The following UMAD1 variants were observed in gnomAD, a reference collection of about 807,000 sequenced individuals.
UMAD1 encodes the protein UBAP1-MVB12-associated (UMA) domain containing 1, also known as UBAP1-MVB12-associated (UMA)-domain containing protein 1.
In UMAD1, 8 loss-of-function variants were observed where a neutral mutation model predicts 6.1. The observed-to-expected ratio is 1.30, with a 90% confidence interval of 0.76 to 2.35. The LOEUF (loss-of-function observed/expected upper bound fraction) is 2.35. Among genes scored for constraint, UMAD1 ranks in the 30% most tolerant of loss-of-function variants. The pLI, the probability that UMAD1 is intolerant of heterozygous loss-of-function variation, is 0.00. For synonymous variants in UMAD1, 56 were observed against 31.4 expected, an observed-to-expected ratio of 1.78 and a Z score of -2.61; for missense variants, 130 against 78.4, an observed-to-expected ratio of 1.66 and a Z score of -2.49.
At chr7:7,684,020 A>G (rs1260702928) in intron 2 of UMAD1, among the ~76,000 whole-genome samples, 1 of 152,208 alleles carries the variant, frequency 6.6e-6, no homozygotes, top group African/African-American at 2.4e-5. Context: ...TTGACGCTCA[A>G]CGCTCTGATA....
chr7:7,832,656 G>A (rs1783488975), intron 3 of UMAD1, among the ~76,000 whole-genome samples: 2 of 152,176 alleles, frequency 1.3e-5, no homozygotes, highest in African/African-American at 4.8e-5. Context: ...GCTCTTCAGT[G>A]ATGATCATTG....
chr7:7,725,682 T>C (rs762637605), intron 2 of UMAD1, among the ~76,000 whole-genome samples: 59 of 152,148 alleles, frequency 3.9e-4, no homozygotes, highest in Non-Finnish European at 6.3e-4. Flanking sequence ...CATCATCAAA[T>C]GGAAGTGGTA....
chr7:7,673,345 GCAGCAGCA>G lies in UMAD1; in HGVS notation c.-26_-19del. On this transcript the variant is annotated 5_prime_UTR_variant, in exon 2 of 4. Transcript: ENST00000682710. ...AGCAGCAGCAGCAGCAGCAGCAGCA[GCAGCAGCA>G]GCAGCAGCAGCAGCAGCAATGTTTC... The G allele has an allele frequency of 7.9e-7, 1 of 1,271,420 alleles. No homozygotes were observed. The highest frequency in any genetic ancestry group is 1.1e-6 in the Non-Finnish European group (1 of 904,510). The allele number at this position is 1,271,420 out of a possible 1,614,324, so 78.8% of individuals were successfully genotyped here.
At chr7:7,827,124 T>A (rs1452592105) in intron 3 of UMAD1, among the ~76,000 whole-genome samples, 6 of 98,946 alleles carry the variant, frequency 6.1e-5, no homozygotes, top group African/African-American at 1.9e-4. Flanking sequence ...CAGTCCAGGA[T>A]ATATATATAT....
chr7:7,661,901 A>G (rs148704496), intron 1 of UMAD1, among the ~76,000 whole-genome samples: 10,523 of 152,124 alleles, frequency 0.069, 394 homozygotes, highest in Admixed American at 0.11. Flanking sequence ...CTGAAGCTGC[A>G]CCCACAGCTG....
chr7:7,666,843 T>C, intron 1 of UMAD1, among the ~76,000 whole-genome samples: 1 of 152,208 alleles, frequency 6.6e-6, no homozygotes, highest in East Asian at 1.9e-4. Flanking sequence ...TTCACTCTTG[T>C]TGCCCAGGCT....
chr7:7,687,240 A>G (rs1416436093), intron 2 of UMAD1: 1 of 152,178 alleles, frequency 6.6e-6, no homozygotes, highest in Non-Finnish European at 1.5e-5. Flanking sequence ...TTTCAGCCTC[A>G]TTTTCCTTTT....
At chr7:7,856,126 A>G (rs1460922020) in intron 3 of UMAD1, among the ~76,000 whole-genome samples, 6 of 152,260 alleles carry the variant, frequency 3.9e-5, no homozygotes, top group African/African-American at 1.4e-4. Context: ...GAGTCCTCCA[A>G]ACTGTTCCAA....
chr7:7,714,872 T>C (rs6971629), intron 2 of UMAD1, among the ~76,000 whole-genome samples: 105 of 149,430 alleles, frequency 7.0e-4, no homozygotes, highest in African/African-American at 2.5e-3. Context: ...TTTTTTTTTT[T>C]AGTTGATAGT....
At chr7:7,806,482 A>G (rs1439946078) in intron 3 of UMAD1, among the ~76,000 whole-genome samples, 2 of 152,180 alleles carry the variant, frequency 1.3e-5, no homozygotes. Flanking sequence ...CAACTATCAC[A>G]CTGTTAGACA....
chr7:7,667,680 A>C lies in UMAD1; in HGVS notation c.-63-5629A>C, dbSNP rs28434664. Among the ~76,000 whole-genome samples, 785 of 152,334 alleles carry C rather than the reference A, an allele frequency of 5.2e-3. 6 individuals carry two copies. Among genetic ancestry groups the C allele is most frequent in the African/African-American group, 0.018 (752 of 41,566 alleles). On this transcript the variant is annotated intron_variant, in intron 1 of 3. Coordinates refer to ENST00000682710, the MANE Select transcript of UMAD1 (RefSeq NM_001302348.2). ...TGTCTTCACAGCATAGAGCTGAGCA[A>C]GGCTTGGGAAAGTAGGGACTGACAA...
chr7:7,684,520 T>G (rs1779991666), intron 2 of UMAD1, among the ~76,000 whole-genome samples: 1 of 151,678 alleles, frequency 6.6e-6, no homozygotes, highest in African/African-American at 2.4e-5. Flanking sequence ...CCACAAGCAA[T>G]TTTTTTTTCT....
intron 3 of UMAD1, among the ~76,000 whole-genome samples, chr7:7,802,537 G>A (rs892246011): frequency 1.3e-5 from 2 of 152,168 alleles, no homozygotes; most frequent in African/African-American, 4.8e-5. Context: ...ATGTAGTTAG[G>A]ATACTTTTGA....
chr7:7,688,236 C>G (rs990373159), intron 2 of UMAD1, among the ~76,000 whole-genome samples: 5 of 152,130 alleles, frequency 3.3e-5, no homozygotes, highest in African/African-American at 1.2e-4. Flanking sequence ...CTTTGGTTTA[C>G]TAGCTCCTTG....
At position 7,813,773 on chromosome 7, in the gene UMAD1, C is replaced by T. The variant is rs145378418; in HGVS notation, c.156+12030C>T. On this transcript the variant is annotated intron_variant, in intron 3 of 3. Transcript: ENST00000682710. ...TTATGACTAGCTCAAACCAACCCAT[C>T]GGAGAGCTGTATATTTCTACCTCAT... is the stretch of plus-strand genomic sequence containing the variant. Among the ~76,000 whole-genome samples the T allele has an allele frequency of 1.1e-4, 17 of 152,272 alleles. No homozygotes were observed. The South Asian group carries it at 2.5e-3, about 22-fold the overall frequency.
At chr7:7,751,746 C>A (rs991887321) in intron 2 of UMAD1, among the ~76,000 whole-genome samples, 1 of 152,160 alleles carries the variant, frequency 6.6e-6, no homozygotes, top group African/African-American at 2.4e-5. Flanking sequence ...TTCAGGACCT[C>A]TGACTTGCAC....
intron 2 of UMAD1, among the ~76,000 whole-genome samples, chr7:7,727,955 T>C (rs1781172389): frequency 6.6e-6 from 1 of 151,788 alleles, no homozygotes; most frequent in African/African-American, 2.4e-5. Context: ...TTAATACTCC[T>C]TAATAAACTC....
chr7:7,695,311 C>G (rs1337685077), intron 2 of UMAD1, among the ~76,000 whole-genome samples: 1 of 152,162 alleles, frequency 6.6e-6, no homozygotes, highest in Non-Finnish European at 1.5e-5. Context: ...AGAGAATTCT[C>G]AAGCCCAGCC....
intron 2 of UMAD1, among the ~76,000 whole-genome samples, chr7:7,720,898 A>G (rs1259806988): frequency 1.3e-5 from 2 of 152,196 alleles, no homozygotes; most frequent in African/African-American, 4.8e-5. Flanking sequence ...ATTTTGAAAT[A>G]TAATCTGTTT....
Sources: allele counts gnomAD v4.1 joint callset (sites outside exome capture counted in the v4.1 genomes callset), GRCh38; gene constraint gnomAD v4.1.1; transcripts MANE v1.5; gene names NCBI Gene and HGNC (gene_info 2026-07-23, HGNC 2026-07-21).